The following CDH23 variants were observed in gnomAD, a reference collection of about 807,000 sequenced individuals.
CDH23 encodes the protein cadherin-23.
In CDH23, 189 loss-of-function variants were observed where a neutral mutation model predicts 317.1. The observed-to-expected ratio is 0.60, with a 90% confidence interval of 0.53 to 0.67. The LOEUF (loss-of-function observed/expected upper bound fraction) is 0.67. Ranked by LOEUF, CDH23 falls within the 30% of genes least tolerant of loss-of-function variation. The pLI is 0.00. For missense variants in CDH23, 4,401 were observed against 4,592.4 expected, an observed-to-expected ratio of 0.96 and a Z score of 1.20; for synonymous variants, 1,839 against 1,876.8, an observed-to-expected ratio of 0.98 and a Z score of 0.52.
At chr10:71,724,774 T>C (rs1024616126) in intron 29 of CDH23, among the ~76,000 whole-genome samples, 3 of 152,168 alleles carry the variant, frequency 2.0e-5, no homozygotes, top group African/African-American at 7.2e-5. Context: ...AACCAATCGC[T>C]ATGGCCAGAG....
chr10:71,803,291 G>T lies in CDH23; in HGVS notation c.7743G>T (p.Val2581=). 6.3e-7 allele frequency: 1 copy of T among 1,590,124 alleles called. No homozygotes were observed. The highest frequency in any genetic ancestry group is 8.6e-7 in the Non-Finnish European group (1 of 1,167,996). ...LQSYEKFSLT[V]VATDGGEPPL... is the part of the protein sequence containing the mutation. ...CCTACGAGAAGTTCAGTCTGACCGT[G>T]GTGGCCACAGATGGTGGAGAGCCCC... Residue 2581 remains valine, a synonymous_variant, in exon 55 of 70, where the codon GTG becomes GTT. Transcript: ENST00000224721.
At chr10:71,408,105 C>T (rs888154562) in intron 1 of CDH23, among the ~76,000 whole-genome samples, 2 of 152,262 alleles carry the variant, frequency 1.3e-5, no homozygotes, top group African/African-American at 2.4e-5. Context: ...AATAACATGA[C>T]GATCTCGAAA....
rs757791843 is a variant in CDH23, at chr10:71,738,503, C to T, written c.4215C>T (p.Tyr1405=). The stretch of plus-strand genomic sequence containing the variant: ...CTGACCACGTTCACCCTCAGGTCTA[C>T]ATCACTGTGCTGGACGAGAATGACA... ...GPKVDSTVKV[Y]ITVLDENDNS... Residue 1405 remains tyrosine, a synonymous_variant, in exon 35 of 70, where the codon TAC becomes TAT. Coordinates refer to ENST00000224721, the MANE Select transcript of CDH23 (RefSeq NM_022124.6). 6.8e-6 allele frequency: 11 copies of T among 1,613,986 alleles called. No homozygotes were observed. Among genetic ancestry groups the T allele is most frequent in the East Asian group, 4.5e-5 (2 of 44,886 alleles).
At chr10:71,639,513 T>C (rs896637848) in intron 11 of CDH23, among the ~76,000 whole-genome samples, 2 of 152,170 alleles carry the variant, frequency 1.3e-5, no homozygotes, top group African/African-American at 4.8e-5. Context: ...GGCATCGCAC[T>C]TGGAGCAGCG....
chr10:71,576,531 C>T (rs1441185963), intron 8 of CDH23, among the ~76,000 whole-genome samples: 1 of 152,128 alleles, frequency 6.6e-6, no homozygotes, highest in Non-Finnish European at 1.5e-5. Context: ...GCTTCAGCCT[C>T]CTGCTGATAA....
At chr10:71,735,895 G>A (rs537570497) in intron 34 of CDH23, among the ~76,000 whole-genome samples, 166 of 152,330 alleles carry the variant, frequency 1.1e-3, no homozygotes, top group African/African-American at 3.7e-3. Flanking sequence ...CTCGGGCAGT[G>A]GGTGCCGAGC....
chr10:71,790,889 T>G, intron 46 of CDH23: 1 of 568,832 alleles, frequency 1.8e-6, no homozygotes, highest in South Asian at 2.1e-5. Context: ...CAGGCAAGAG[T>G]CTTGAAGACA....
chr10:71,777,023 C>G lies in CDH23; in HGVS notation c.4846-657C>G, dbSNP rs529431887. Among the ~76,000 whole-genome samples, 3 of 152,348 alleles carry G rather than the reference C, an allele frequency of 2.0e-5. No homozygotes were observed. The South Asian group carries it at 6.2e-4, about 32-fold the overall frequency. ...TTACTTGTGGTCCAATTGACTCAAG[C>G]ATTGGCAGAGATGGCCGATCACAGG... On this transcript the variant is annotated intron_variant, in intron 38 of 69. Transcript: ENST00000224721.
intron 17 of CDH23, among the ~76,000 whole-genome samples, chr10:71,680,756 A>G (rs1589326234): frequency 6.9e-6 from 1 of 145,856 alleles, no homozygotes; most frequent in African/African-American, 2.5e-5. Context: ...CAAAAAAAAA[A>G]AAAAAAAGAA....
chr10:71,682,966 TTC>T (rs148550412), intron 18 of CDH23, among the ~76,000 whole-genome samples: 80 of 148,496 alleles, frequency 5.4e-4, no homozygotes, highest in Non-Finnish European at 6.0e-4. Context: ...ATCTTCTCCC[TTC>T]TCTCTCTCTC....
chr10:71,425,239 G>C (rs937078168), intron 1 of CDH23, among the ~76,000 whole-genome samples: 1 of 55,632 alleles, frequency 1.8e-5, no homozygotes, highest in Non-Finnish European at 3.2e-5. Context: ...GAGGGAGAGA[G>C]AGAGAGAGAG....
At chr10:71,582,200 T>C (rs1284446763) in intron 9 of CDH23, among the ~76,000 whole-genome samples, 1 of 152,230 alleles carries the variant, frequency 6.6e-6, no homozygotes, top group Non-Finnish European at 1.5e-5. Context: ...GAGTACAGGC[T>C]CTGGAGCCGC....
At chr10:71,663,900 C>G (rs1863777099) in intron 14 of CDH23, among the ~76,000 whole-genome samples, 1 of 151,846 alleles carries the variant, frequency 6.6e-6, no homozygotes, top group Non-Finnish European at 1.5e-5. Context: ...ACTCTGGAGG[C>G]TAAGGCATGA....
In CDH23 at chr10:71,805,663, G is replaced by A. The variant is rs927290287; in HGVS notation, c.7873-143G>A. On this transcript the variant is annotated intron_variant, in intron 55 of 69. Coordinates refer to ENST00000224721, the MANE Select transcript of CDH23 (RefSeq NM_022124.6). ...GCCCAGAATCCAGGAGAATCCAGCCGAGCAGGCAGGCGCTCCTGGCGGGTG... is the reference window on the plus strand; with the variant it reads ...GCCCAGAATCCAGGAGAATCCAGCCAAGCAGGCAGGCGCTCCTGGCGGGTG... 3.3e-5 allele frequency: 26 copies of A among 788,932 alleles called. No individual in the cohort carries two copies. The African/African-American group carries it at 3.7e-4, about 11-fold the overall frequency. 48.9% of individuals were successfully genotyped at this position (788,932 alleles called of 1,614,324 possible).
chr10:71,734,142 G>A, intron 32 of CDH23, 98 bp from the exon 33 acceptor site: 1 of 973,500 alleles, frequency 1.0e-6, no homozygotes, highest in Non-Finnish European at 1.6e-6. Flanking sequence ...AGTTATGCCG[G>A]ACAGAGGAAG....
intron 19 of CDH23, among the ~76,000 whole-genome samples, chr10:71,689,622 A>T (rs1260673738): frequency 6.6e-6 from 1 of 152,220 alleles, no homozygotes; most frequent in Non-Finnish European, 1.5e-5. Context: ...GGTCACCACC[A>T]GCCCTGCAGC....
chr10:71,799,208 T>A lies in CDH23; in HGVS notation c.7152T>A (p.Ala2384=). ...ASDNGSPPRA[A]EIPVYLEIVD... is the part of the protein sequence containing the mutation. ...ACAACGGGTCCCCGCCCCGGGCAGC[T>A]GAGATCCCTGTCTACCTGGAAATCG... Residue 2384 remains alanine, a synonymous_variant, in exon 51 of 70, where the codon GCT becomes GCA. Coordinates refer to ENST00000224721, the MANE Select transcript of CDH23 (RefSeq NM_022124.6). 1 of 1,610,226 alleles carries A rather than the reference T, an allele frequency of 6.2e-7. No homozygotes were observed. The highest frequency in any genetic ancestry group is 8.5e-7 in the Non-Finnish European group (1 of 1,176,534).
At position 71,802,965 on chromosome 10, in the gene CDH23, G is replaced by A. The variant is rs1191047823; in HGVS notation, c.7550G>A (p.Ser2517Asn). Residue 2517 changes from serine (S) to asparagine (N), a missense_variant, in exon 54 of 70, where the codon AGC becomes AAC. Physicochemically the swap from Ser to Asn is conservative, Grantham distance 46. This residue lies in a region of CDH23 where 189 missense variants were observed against 250.9 expected (regional missense o/e 0.75). Transcript: ENST00000224721. ...PQFSKPQFST[S>N]VYENEPAGTS... ...TTCTCCAAGCCCCAGTTCAGCACAAGCGTGTATGAGAATGAGCCGGCGGGC... is the reference window on the plus strand; with the variant it reads ...TTCTCCAAGCCCCAGTTCAGCACAAACGTGTATGAGAATGAGCCGGCGGGC... The A allele has an allele frequency of 1.2e-6, 2 of 1,614,046 alleles. No homozygotes were observed. Among genetic ancestry groups the A allele is most frequent in the East Asian group, 2.2e-5 (1 of 44,892 alleles).
intron 69 of CDH23, among the ~76,000 whole-genome samples, chr10:71,813,923 A>G (rs1227614285): frequency 1.3e-5 from 2 of 152,214 alleles, no homozygotes; most frequent in East Asian, 1.9e-4. Context: ...AGGAAAGAAA[A>G]GAAACTGGCC....
Sources: allele counts gnomAD v4.1 joint callset (sites outside exome capture counted in the v4.1 genomes callset), GRCh38; gene constraint gnomAD v4.1.1; regional missense constraint gnomAD v4.1.1; transcripts MANE v1.5; gene names NCBI Gene and HGNC (gene_info 2026-07-23, HGNC 2026-07-21).